The following OR5M3 variants were observed in gnomAD, a reference collection of about 807,000 sequenced individuals.
OR5M3 encodes the protein olfactory receptor family 5 subfamily M member 3.
For missense variants in OR5M3, 384 were observed against 378.6 expected (o/e 1.01, Z -0.12); for synonymous variants, 129 against 131.3 (o/e 0.98, Z 0.12).
chr11:56,472,042 G>C (rs1168432757), intron 1 of OR5M3, among the ~76,000 whole-genome samples: 2 of 152,020 alleles, frequency 1.3e-5, no homozygotes, highest in Non-Finnish European at 2.9e-5. Flanking sequence ...ACAATGGATA[G>C]TGAAAATAAG....
chr11:56,470,808 C>T (rs1034565299), intron 1 of OR5M3, among the ~76,000 whole-genome samples: 3 of 151,950 alleles, frequency 2.0e-5, no homozygotes, highest in African/African-American at 7.2e-5. Flanking sequence ...CTTAAATATC[C>T]CTCATTTCCA....
At position 56,469,669 on chromosome 11, in the gene OR5M3, T is replaced by C. The variant is rs1853642200; in HGVS notation, c.829A>G (p.Thr277Ala). The change falls in exon 2 of 2, where the codon ACC becomes GCC. Residue 277 changes from threonine (T) to alanine (A), a missense_variant. Coordinates refer to ENST00000641993, the MANE Select transcript of OR5M3 (RefSeq NM_001004742.3). ...EQGKMVAVFY[T>A]TVIPMLNPMI... ...GGATTCAACATGGGGATCACTGTGG[T>C]ATAGAACACAGCCACCATCTTCCCC... is the stretch of plus-strand genomic sequence containing the variant. The C allele has an allele frequency of 2.5e-6, 4 of 1,593,152 alleles. No homozygotes were observed. Among genetic ancestry groups the C allele is most frequent in the South Asian group, 1.1e-5 (1 of 89,752 alleles).
chr11:56,470,123 C>G lies in OR5M3; in HGVS notation c.375G>C (p.Gly125=). 6.4e-7 allele frequency: 1 copy of G among 1,568,562 alleles called. No homozygotes were observed. The highest frequency in any genetic ancestry group is 8.7e-7 in the Non-Finnish European group (1 of 1,143,972). Reference sequence around the variant, plus strand: ...TTTTACTGCCATAAAGCAGAGGATTCCCAATTGCCATGTATCTATCAAAGG... The same window carrying G: ...TTTTACTGCCATAAAGCAGAGGATTGCCAATTGCCATGTATCTATCAAAGG... ...AMAFDRYMAI[G]NPLLYGSKMS... is the part of the protein sequence containing the mutation. The change falls in exon 2 of 2, where the codon GGG becomes GGC. Residue 125 remains glycine, a synonymous_variant. Coordinates refer to ENST00000641993, the MANE Select transcript of OR5M3 (RefSeq NM_001004742.3).
At chr11:56,471,167 A>G (rs1273010586) in intron 1 of OR5M3, among the ~76,000 whole-genome samples, 1 of 152,072 alleles carries the variant, frequency 6.6e-6, no homozygotes, top group East Asian at 1.9e-4. Context: ...ATTATAATCC[A>G]CTAGATATCA....
rs143650339 is a variant in OR5M3 at position 56,469,736 on chromosome 11, G to A, written c.762C>T (p.Ile254=). 1.8e-4 allele frequency: 292 copies of A among 1,612,750 alleles called. 1 individual carries two copies. The highest frequency in any genetic ancestry group is 2.2e-4 in the Non-Finnish European group (258 of 1,179,214). Residue 254 remains isoleucine (I), a synonymous_variant, in exon 2 of 2, where the codon ATC becomes ATT. Transcript: ENST00000641993. ...TAVIIFYGTL[I]FMYLRRPTEE... ...CTGTGGGACGTCTGAGATACATGAA[G>A]ATCAGAGTACCATAGAATATAATGA...
In OR5M3 at chr11:56,469,337, C is replaced by T; in HGVS notation, c.*237G>A. The T allele has an allele frequency of 3.0e-6, 1 of 338,558 alleles. No individual in the cohort carries two copies. The highest frequency in any genetic ancestry group is 4.5e-5 in the Admixed American group (1 of 22,338). 21.0% of individuals were successfully genotyped at this position (338,558 alleles called of 1,614,324 possible). On this transcript the variant is annotated 3_prime_UTR_variant, in exon 2 of 2. Coordinates refer to ENST00000641993, the MANE Select transcript of OR5M3 (RefSeq NM_001004742.3). ...ATTTGAGCAATTTCCCTTAGTACAC[C>T]TATGAACTTTGGCACACATCACAGT...
At chr11:56,472,632 G>T (rs1048561879) in intron 1 of OR5M3, among the ~76,000 whole-genome samples, 1 of 151,888 alleles carries the variant, frequency 6.6e-6, no homozygotes, top group African/African-American at 2.4e-5. Context: ...CATCCTAGGG[G>T]GTGCGAAGTG....
chr11:56,470,082 C>G lies in OR5M3; in HGVS notation c.416G>C (p.Cys139Ser). 1 of 1,606,792 alleles carries G rather than the reference C, an allele frequency of 6.2e-7. No individual in the cohort carries two copies. Among genetic ancestry groups the G allele is most frequent in the South Asian group, 1.1e-5 (1 of 90,940 alleles). Residue 139 changes from cysteine to serine, a missense_variant, in exon 2 of 2, where the codon TGT becomes TCT. Transcript: ENST00000641993. ...GTAAGGGAAAGTAATCAGTCGAATA[C>G]AGACAACCCTTGACATTTTACTGCC... is the stretch of plus-strand genomic sequence containing the variant. Reference protein sequence around the residue: ...LYGSKMSRVVCIRLITFPYIY... With the variant: ...LYGSKMSRVVSIRLITFPYIY...
At chr11:56,470,725 A>C (rs1424962434) in intron 1 of OR5M3, among the ~76,000 whole-genome samples, 184 bp from the exon 2 acceptor site, 2 of 152,056 alleles carry the variant, frequency 1.3e-5, no homozygotes, top group Non-Finnish European at 2.9e-5. Context: ...ACAATTATAC[A>C]AAGTTTAGTG....
rs966086235 is a variant in OR5M3, at chr11:56,473,284, G to A, written c.-108C>T. The A allele has an allele frequency of 2.0e-5, 3 of 152,098 alleles. No homozygotes were observed. The highest frequency in any genetic ancestry group is 2.9e-5 in the Non-Finnish European group (2 of 68,006). The allele number at this position is 152,098 out of a possible 1,614,324, so 9.4% of individuals were successfully genotyped here. A position where few individuals can be genotyped will look rare whatever the true frequency, so the allele number is the denominator to read the frequency against. ...GTTGAAAAGCGCATGCTATATATGG[G>A]AATGGTAAACACTTTCAACCTGATG... On this transcript the variant is annotated 5_prime_UTR_variant, in exon 1 of 2. Transcript: ENST00000641993.
intron 1 of OR5M3, among the ~76,000 whole-genome samples, chr11:56,471,576 T>C (rs931972300): frequency 4.6e-5 from 7 of 151,988 alleles, no homozygotes; most frequent in Non-Finnish European, 1.0e-4. Context: ...ACAATCTACC[T>C]AGTAAAGTTA....
rs1853640136 is a variant in OR5M3, at chr11:56,469,541, G to A, written c.*33C>T. The A allele has an allele frequency of 1.5e-6, 2 of 1,376,532 alleles. No homozygotes were observed. Among genetic ancestry groups the A allele is most frequent in the Non-Finnish European group, 2.0e-6 (2 of 1,016,888 alleles). 85.3% of individuals were successfully genotyped at this position (1,376,532 alleles called of 1,614,324 possible). A position where few individuals can be genotyped will look rare whatever the true frequency, so the allele number is the denominator to read the frequency against. On this transcript the variant is annotated 3_prime_UTR_variant, in exon 2 of 2. Coordinates refer to ENST00000641993, the MANE Select transcript of OR5M3 (RefSeq NM_001004742.3). ...AACTTTTTCCAAACAAATAATAGAA[G>A]ATAAAATTAAATCAAATTTGATTTT... is the stretch of plus-strand genomic sequence containing the variant.
rs946400006 is a variant in OR5M3 at position 56,473,336 on chromosome 11, T to C, written c.-160A>G. 6.6e-6 allele frequency: 1 copy of C among 152,110 alleles called. No homozygotes were observed. The highest frequency in any genetic ancestry group is 1.5e-5 in the Non-Finnish European group (1 of 67,990). The allele number at this position is 152,110 out of a possible 1,614,324, so 9.4% of individuals were successfully genotyped here. On this transcript the variant is annotated 5_prime_UTR_variant, in exon 1 of 2. Transcript: ENST00000641993. ...AAGGGAAACTTGGAAAAGTCCACAG[T>C]GGAAGCCTCCCTTAACTGCTTGCCT...
chr11:56,469,641 A>G lies in OR5M3; in HGVS notation c.857T>C (p.Met286Thr). The change falls in exon 2 of 2, where the codon ATG becomes ACG. Residue 286 changes from methionine to threonine, a missense_variant. Physicochemically the swap from Met to Thr is moderately conservative, Grantham distance 81. Transcript: ENST00000641993. ...ATCCTTGTTCCTCAGACTGTAGATC[A>G]TGGGATTCAACATGGGGATCACTGT... ...YTTVIPMLNP[M>T]IYSLRNKDVK... 1.3e-6 allele frequency: 2 copies of G among 1,556,548 alleles called. No homozygotes were observed. Among genetic ancestry groups the G allele is most frequent in the Non-Finnish European group, 1.8e-6 (2 of 1,142,668 alleles).
Position 56,470,560 on chromosome 11 carries a change from A to T in OR5M3, c.-44-19T>A. ...TTGATAACTAAAATAAAATAAAGGA[A>T]ATATTAGAATATTTATTTATTAATT... On this transcript the variant is annotated intron_variant, in intron 1 of 1. Transcript: ENST00000641993. 1.2e-6 allele frequency: 1 copy of T among 849,232 alleles called. No homozygotes were observed. 52.6% of individuals were successfully genotyped at this position (849,232 alleles called of 1,614,324 possible). A position where few individuals can be genotyped will look rare whatever the true frequency, so the allele number is the denominator to read the frequency against.
chr11:56,469,818 C>T lies in OR5M3; in HGVS notation c.680G>A (p.Arg227His), dbSNP rs144814707. The T allele has an allele frequency of 1.8e-4, 288 of 1,608,528 alleles. 2 individuals carry two copies. The East Asian group carries it at 4.2e-3, about 23-fold the overall frequency. ...GGCCTTCTGCCTTCCTTCTGCTGAG[C>T]GCATTCGCAGAATGGCAATGAGGAT... Reference protein sequence around the residue: ...LFILIAILRMRSAEGRQKAFS... With the variant: ...LFILIAILRMHSAEGRQKAFS... The change falls in exon 2 of 2, where the codon CGC (arginine) becomes CAC (histidine). Residue 227 changes from arginine to histidine, a missense_variant. Arg to His is a conservative substitution (Grantham distance 29, BLOSUM62 0). Transcript: ENST00000641993.
At chr11:56,471,125 T>A (rs1244925292) in intron 1 of OR5M3, among the ~76,000 whole-genome samples, 1 of 152,066 alleles carries the variant, frequency 6.6e-6, no homozygotes, top group African/African-American at 2.4e-5. Flanking sequence ...TATAAACATT[T>A]CCTGGATATG....
rs1853640075 is a variant in OR5M3, at chr11:56,469,537, A to T, written c.*37T>A. ...AATAAACTTTTTCCAAACAAATAAT[A>T]GAAGATAAAATTAAATCAAATTTGA... On this transcript the variant is annotated 3_prime_UTR_variant, in exon 2 of 2. Coordinates refer to ENST00000641993, the MANE Select transcript of OR5M3 (RefSeq NM_001004742.3). The T allele has an allele frequency of 7.5e-7, 1 of 1,335,788 alleles. No homozygotes were observed. Among genetic ancestry groups the T allele is most frequent in the East Asian group, 2.4e-5 (1 of 41,214 alleles). 82.7% of individuals were successfully genotyped at this position (1,335,788 alleles called of 1,614,324 possible). A position where few individuals can be genotyped will look rare whatever the true frequency, so the allele number is the denominator to read the frequency against.
rs1354512646 is a variant in OR5M3, at chr11:56,469,882, T to C, written c.616A>G (p.Thr206Ala). The C allele has an allele frequency of 7.4e-6, 12 of 1,613,128 alleles. No homozygotes were observed. The highest frequency in any genetic ancestry group is 7.6e-6 in the Non-Finnish European group (9 of 1,179,238). Residue 206 changes from threonine (T) to alanine (A), a missense_variant, in exon 2 of 2, where the codon ACA becomes GCA. Transcript: ENST00000641993. ...TMIILAGINF[T>A]YSLTVIIISY... ...ATGATAATTACAGTCAGGGAATATG[T>C]GAAGTTAATGCCGGCAAGTATGATC...
Sources: allele counts gnomAD v4.1 joint callset (sites outside exome capture counted in the v4.1 genomes callset), GRCh38; gene constraint gnomAD v4.1.1; transcripts MANE v1.5; gene names NCBI Gene and HGNC (gene_info 2026-07-23, HGNC 2026-07-21).